MARCHF3: variants seen among roughly 807,000 people sequenced by gnomAD.
The protein encoded by MARCHF3 is E3 ubiquitin-protein ligase MARCHF3.
A neutral mutation model predicts 24.2 loss-of-function variants in MARCHF3; 13 were observed. The observed-to-expected ratio is 0.54, with a 90% CI of 0.35 to 0.85. The LOEUF is 0.85. Among genes scored for constraint, MARCHF3 ranks in the 40% least tolerant of loss-of-function variants. The probability of loss-of-function intolerance (pLI) is 0.01; values close to 1 mark genes in which losing one functional copy is unlikely to be tolerated. For synonymous variants in MARCHF3, 144 were observed against 137.3 expected, an observed-to-expected ratio of 1.05 and a Z score of -0.34; for missense variants, 276 against 325.0, an observed-to-expected ratio of 0.85 and a Z score of 1.16.
chr5:126,980,039 T>G (rs1456751132), intron 1 of MARCHF3, among the ~76,000 whole-genome samples: 1 of 152,092 alleles, frequency 6.6e-6, no homozygotes, highest in African/African-American at 2.4e-5. Context: ...AGAACTCTTG[T>G]GTATAACAAT....
At chr5:126,885,395 C>G (rs1753476745) in intron 3 of MARCHF3, among the ~76,000 whole-genome samples, 1 of 151,924 alleles carries the variant, frequency 6.6e-6, no homozygotes, top group Non-Finnish European at 1.5e-5. Flanking sequence ...TGGTAAAACC[C>G]CATCTCTACT....
chr5:126,963,949 G>A (rs1353628054), intron 1 of MARCHF3, among the ~76,000 whole-genome samples: 1 of 152,170 alleles, frequency 6.6e-6, no homozygotes, highest in East Asian at 1.9e-4. Context: ...ACCATGGGCC[G>A]TATTTGTCTC....
intron 1 of MARCHF3, among the ~76,000 whole-genome samples, chr5:126,935,604 T>A (rs1200950965): frequency 1.8e-5 from 2 of 114,256 alleles, no homozygotes; most frequent in East Asian, 5.2e-4. Flanking sequence ...TATATGGCTT[T>A]TTTTTTTTTT....
chr5:126,933,514 G>C lies in MARCHF3; in HGVS notation c.-56-15287C>G, dbSNP rs186416615. Among the ~76,000 whole-genome samples, 21 of 149,874 alleles carry C rather than the reference G, an allele frequency of 1.4e-4. 1 individual carries two copies. Among genetic ancestry groups the C allele is most frequent in the South Asian group, 6.3e-4 (3 of 4,752 alleles). On this transcript the variant is annotated intron_variant, in intron 1 of 4. Transcript: ENST00000308660. The stretch of plus-strand genomic sequence containing the variant: ...GGCTGGAATGCAGTGGTGCGATCTC[G>C]GCTCACTGCAAGCTCCGCCTCCTGG...
chr5:126,895,921 C>G (rs1317844871), intron 3 of MARCHF3, among the ~76,000 whole-genome samples: 5 of 152,122 alleles, frequency 3.3e-5, no homozygotes. Flanking sequence ...CTTGCTGTGG[C>G]CTTGCAGTTT....
At chr5:127,000,468 C>T (rs1752091071) in intron 1 of MARCHF3, among the ~76,000 whole-genome samples, 1 of 152,096 alleles carries the variant, frequency 6.6e-6, no homozygotes, top group Non-Finnish European at 1.5e-5. Flanking sequence ...CAGATAAACC[C>T]AACAGTACCA....
At chr5:126,909,762 C>T (rs1396485871) in intron 3 of MARCHF3, among the ~76,000 whole-genome samples, 2 of 152,216 alleles carry the variant, frequency 1.3e-5, no homozygotes, top group East Asian at 1.9e-4. Flanking sequence ...ATGCAGAAAT[C>T]ACCCGTCTTC....
intron 1 of MARCHF3, among the ~76,000 whole-genome samples, chr5:126,931,729 G>A (rs1749486095): frequency 6.6e-6 from 1 of 152,100 alleles, no homozygotes; most frequent in Non-Finnish European, 1.5e-5. Context: ...GTTGTAACAT[G>A]AGGATAACAG....
intron 1 of MARCHF3, among the ~76,000 whole-genome samples, chr5:126,986,219 G>GGGCCCAAGTGTGC (rs1393573103): frequency 2.0e-5 from 3 of 152,184 alleles, no homozygotes; most frequent in African/African-American, 7.2e-5. Context: ...ATTTCAGACA[G>GGGCCCAAGTGTGC]GGCCCAAGTG....
chr5:126,949,608 T>A (rs1230080242), intron 1 of MARCHF3, among the ~76,000 whole-genome samples: 9 of 152,072 alleles, frequency 5.9e-5, no homozygotes, highest in Admixed American at 5.9e-4. Flanking sequence ...GTGGAATACA[T>A]CCTAGGAGGC....
intron 1 of MARCHF3, among the ~76,000 whole-genome samples, chr5:126,920,497 C>A (rs755404358): frequency 1.1e-4 from 17 of 152,166 alleles, no homozygotes; most frequent in Non-Finnish European, 2.2e-4. Context: ...ACACAGTGAC[C>A]TTCTTGCCGC....
intron 1 of MARCHF3, among the ~76,000 whole-genome samples, chr5:126,956,660 A>C (rs1320851002): frequency 1.4e-5 from 2 of 140,606 alleles, no homozygotes; most frequent in Non-Finnish European, 3.0e-5. Flanking sequence ...AAAAAAAAAA[A>C]AAAAAAAAAA....
chr5:127,021,814 G>T (rs1158388330), intron 1 of MARCHF3, among the ~76,000 whole-genome samples: 1 of 152,052 alleles, frequency 6.6e-6, no homozygotes, highest in Non-Finnish European at 1.5e-5. Flanking sequence ...ATTCTGAAGG[G>T]AATGAAAAAA....
At chr5:126,939,879 C>T (rs891269088) in intron 1 of MARCHF3, among the ~76,000 whole-genome samples, 12 of 152,116 alleles carry the variant, frequency 7.9e-5, no homozygotes. Flanking sequence ...TAACATTGAA[C>T]TCATGACCAA....
chr5:126,984,818 A>G (rs998839262), intron 1 of MARCHF3, among the ~76,000 whole-genome samples: 1 of 152,206 alleles, frequency 6.6e-6, no homozygotes, highest in African/African-American at 2.4e-5. Context: ...AATCCTTTAA[A>G]CCTCTGGAAA....
chr5:127,001,029 G>T (rs1252947425), intron 1 of MARCHF3, among the ~76,000 whole-genome samples: 4 of 152,104 alleles, frequency 2.6e-5, no homozygotes, highest in African/African-American at 9.7e-5. Context: ...CATGAGGTCA[G>T]AAGTTTGAGA....
At chr5:126,894,952 A>C (rs1753823327) in intron 3 of MARCHF3, among the ~76,000 whole-genome samples, 1 of 152,028 alleles carries the variant, frequency 6.6e-6, no homozygotes, top group Non-Finnish European at 1.5e-5. Context: ...TACACCAATC[A>C]GATGTAGATT....
intron 1 of MARCHF3, among the ~76,000 whole-genome samples, chr5:126,988,461 C>T (rs1326241584): frequency 6.6e-6 from 1 of 152,188 alleles, no homozygotes; most frequent in Non-Finnish European, 1.5e-5. Context: ...AGTAATTAAA[C>T]ATGGCCCCTG....
intron 1 of MARCHF3, among the ~76,000 whole-genome samples, chr5:126,928,048 A>T (rs967310142): frequency 2.6e-5 from 4 of 152,218 alleles, no homozygotes; most frequent in African/African-American, 9.6e-5. Context: ...TTCTATTTTC[A>T]TAGCACTATT....
Sources: allele counts gnomAD v4.1 joint callset (sites outside exome capture counted in the v4.1 genomes callset), GRCh38; gene constraint gnomAD v4.1.1; transcripts MANE v1.5; gene names NCBI Gene and HGNC (gene_info 2026-07-23, HGNC 2026-07-21).